The following CFAP74 variants were observed in gnomAD, a reference collection of about 807,000 sequenced individuals.
CFAP74 encodes cilia- and flagella-associated protein 74.
In CFAP74, 124 loss-of-function variants were observed where a neutral mutation model predicts 188.9. That is an observed-to-expected ratio of 0.66 (90% CI 0.57 to 0.76). The LOEUF is 0.76. Ranked by LOEUF, CFAP74 falls within the 30% of genes least tolerant of loss-of-function variation. CFAP74 has a pLI of 0.00. For missense variants in CFAP74, 2,198 were observed against 2,165.2 expected, an observed-to-expected ratio of 1.02 and a Z score of -0.30; for synonymous variants, 956 against 916.7, an observed-to-expected ratio of 1.04 and a Z score of -0.77.
At chr1:1,958,860 G>A (rs1328887166) in intron 16 of CFAP74, among the ~76,000 whole-genome samples, 1 of 152,138 alleles carries the variant, frequency 6.6e-6, no homozygotes, top group East Asian at 1.9e-4. Context: ...AGGCCCTGCA[G>A]TCTGGGCTCC....
intron 8 of CFAP74, among the ~76,000 whole-genome samples, 175 bp from the exon 9 acceptor site, chr1:1,972,257 C>T (rs1284095376): frequency 1.3e-5 from 2 of 152,196 alleles, no homozygotes; most frequent in East Asian, 1.9e-4. Context: ...CATTTTTAAC[C>T]GAGGAAGTGA....
rs558676249 is a variant in CFAP74 at position 1,965,135 on chromosome 1, G to A, written c.1402-74C>T. 748 of 1,441,816 alleles carry A rather than the reference G, an allele frequency of 5.2e-4. 4 individuals are homozygous for A. In the African/African-American group the frequency reaches 8.2e-3, roughly 16 times the overall value. 89.3% of individuals were successfully genotyped at this position (1,441,816 alleles called of 1,614,324 possible). ...GCGGCGCCGGTGGCAGCTCGGAGGC[G>A]AGGGTAGCGGTTAGCAGAGCACGGA... On this transcript the variant is annotated intron_variant, in intron 12 of 38. Transcript: ENST00000682832.
chr1:1,983,003 G>A (rs746504099), intron 6 of CFAP74, among the ~76,000 whole-genome samples: 12 of 152,236 alleles, frequency 7.9e-5, no homozygotes, highest in Non-Finnish European at 1.6e-4. Flanking sequence ...CCCACAGAGC[G>A]GCAGACACGA....
chr1:1,963,716 C>A, intron 14 of CFAP74, 33 bp downstream of exon 14: 3 of 1,412,712 alleles, frequency 2.1e-6, no homozygotes, highest in Non-Finnish European at 3.0e-6. Context: ...TGTCCCTGCA[C>A]CGCGTCCCTC....
chr1:1,959,403 G>A (rs1158786029), intron 15 of CFAP74, among the ~76,000 whole-genome samples, 194 bp from the exon 16 acceptor site: 2 of 151,198 alleles, frequency 1.3e-5, no homozygotes, highest in African/African-American at 4.9e-5. Context: ...CCACTAGCTG[G>A]GATTACAGGC....
chr1:1,998,217 G>A (rs1263214894), intron 1 of CFAP74, among the ~76,000 whole-genome samples: 1 of 152,180 alleles, frequency 6.6e-6, no homozygotes, highest in African/African-American at 2.4e-5. Flanking sequence ...GGCAGAGGTT[G>A]CAGTGAGCCA....
chr1:1,959,256 G>A, intron 15 of CFAP74, 47 bp from the exon 16 acceptor site: 2 of 1,335,666 alleles, frequency 1.5e-6, no homozygotes, highest in South Asian at 1.2e-5. Context: ...TGCAACTTTT[G>A]TGTGTTTTGT....
At chr1:1,972,496 C>G (rs948911852) in intron 8 of CFAP74, among the ~76,000 whole-genome samples, 3 of 152,350 alleles carry the variant, frequency 2.0e-5, no homozygotes, top group African/African-American at 7.2e-5. Flanking sequence ...GAAACAGTAC[C>G]TCAGCACTAA....
At position 2,000,076 on chromosome 1, in the gene CFAP74, G is replaced by A. The variant is rs530994174; in HGVS notation, c.-20+3625C>T. Among the ~76,000 whole-genome samples the A allele has an allele frequency of 2.6e-5, 4 of 151,308 alleles. No homozygotes were observed. In the South Asian group the frequency reaches 8.4e-4, roughly 32 times the overall value. ...CTCCTCAGGAGGTTGAAGCAGGAGA[G>A]TTGCTTGAACTGGTGAGGTGGAGGT... On this transcript the variant is annotated intron_variant, in intron 1 of 38. Transcript: ENST00000682832.
intron 16 of CFAP74, among the ~76,000 whole-genome samples, chr1:1,958,298 G>A (rs1362747227): frequency 6.6e-6 from 1 of 152,212 alleles, no homozygotes; most frequent in Non-Finnish European, 1.5e-5. Context: ...TGTAAGAATG[G>A]GCCTCTTCCT....
Position 1,935,218 on chromosome 1 carries a change from A to G in CFAP74, c.3011+3637T>C, listed in dbSNP as rs1400328869. On this transcript the variant is annotated intron_variant, in intron 25 of 38. Transcript: ENST00000682832. ...GTACACACGTGTACGTGGGTGTTGT[A>G]GGTACACACGTGTGTACGTGGGTGT... Among the ~76,000 whole-genome samples the G allele has an allele frequency of 5.5e-5, 4 of 72,574 alleles. 1 individual carries two copies. The highest frequency in any genetic ancestry group is 3.3e-4 in the Admixed American group (2 of 6,008). 47.6% of individuals were successfully genotyped at this position (72,574 alleles called of 152,430 possible).
Position 1,990,911 on chromosome 1 carries a change from C to G in CFAP74, c.46G>C (p.Asp16His), listed in dbSNP as rs370745476. The G allele has an allele frequency of 8.1e-5, 130 of 1,612,416 alleles. No homozygotes were observed. Among genetic ancestry groups the G allele is most frequent in the Non-Finnish European group, 1.1e-4 (129 of 1,179,608 alleles). Residue 16 changes from aspartate (D) to histidine (H), a missense_variant, in exon 2 of 39, where the codon GAT becomes CAT. Asp to His is a moderately conservative substitution (Grantham distance 81). Transcript: ENST00000682832. The stretch of plus-strand genomic sequence containing the variant: ...TTACCATCTTCCAAAAGAAGGGCAT[C>G]GGCCAAAAGCTCGTCCTCAGGGAGC... ...SLLPEDELLA[D>H]ALLLEDERDE...
At position 1,983,170 on chromosome 1, in the gene CFAP74, A is replaced by T. The variant is rs80135494; in HGVS notation, c.500+2216T>A. 4.7e-3 allele frequency among the ~76,000 whole-genome samples: 710 copies of T among 152,264 alleles called. 21 individuals are homozygous for T. The East Asian group carries it at 0.085, about 18-fold the overall frequency. On this transcript the variant is annotated intron_variant, in intron 6 of 38. Transcript: ENST00000682832. ...AACGCTCCCCTAACGGTGGAAAGCC[A>T]ACTAATAGGAAGGGATGGTGCAACT...
chr1:1,958,168 T>C (rs1168912023), intron 16 of CFAP74, among the ~76,000 whole-genome samples: 1 of 152,184 alleles, frequency 6.6e-6, no homozygotes, highest in Non-Finnish European at 1.5e-5. Flanking sequence ...TCATCAAAGG[T>C]GGCTTGGGGC....
Position 1,940,384 on chromosome 1 carries a change from C to A in CFAP74, c.2635G>T (p.Ala879Ser), listed in dbSNP as rs1216864666. ...GTCTCCTTGTCAAAATACCTCCCTG[C>A]GTCCTCCGGGAGGGAGTGTCTGAAA... is the stretch of plus-strand genomic sequence containing the variant. ...FLPRHSLPED[A>S]GRYFDKETRV... Residue 879 changes from alanine to serine, a missense_variant, in exon 23 of 39, where the codon GCA (alanine) becomes TCA (serine). By Grantham distance (99) the Ala-to-Ser change is moderately conservative (BLOSUM62 1). Coordinates refer to ENST00000682832, the MANE Select transcript of CFAP74 (RefSeq NM_001304360.2). The A allele has an allele frequency of 2.6e-6, 4 of 1,533,246 alleles. No individual in the cohort carries two copies. Among genetic ancestry groups the A allele is most frequent in the Non-Finnish European group, 2.6e-6 (3 of 1,145,438 alleles). 95.0% of individuals were successfully genotyped at this position (1,533,246 alleles called of 1,614,324 possible). A position where few individuals can be genotyped will look rare whatever the true frequency, so the allele number is the denominator to read the frequency against.
Position 1,922,355 on chromosome 1 carries a change from G to A in CFAP74, c.4852C>T (p.Gln1618Ter), listed in dbSNP as rs759570360. Residue 1618 changes from glutamine to a stop codon, truncating the protein, a stop_gained, in exon 39 of 39, where the codon CAG becomes TAG. Transcript: ENST00000682832. LOFTEE classifies it high-confidence loss of function. ...GTCTCCTTCACATCCCCCCTTAGCT[G>A]CAGCAGGGCCGACACCATGAGTGGG... ...DHPLMVSALLQLRGDVKETYK... is the reference protein window; with the variant it reads ...DHPLMVSALL 6.2e-7 allele frequency: 1 copy of A among 1,601,060 alleles called. No individual in the cohort carries two copies.
chr1:1,986,567 G>T (rs990939483), intron 5 of CFAP74, among the ~76,000 whole-genome samples: 2 of 152,220 alleles, frequency 1.3e-5, no homozygotes, highest in Non-Finnish European at 2.9e-5. Context: ...AATGCCTGTT[G>T]GTGAGTGTTG....
At chr1:1,966,237 G>T (rs184360062) in intron 12 of CFAP74, 134 bp downstream of exon 12, 702 of 783,556 alleles carry the variant, frequency 9.0e-4, no homozygotes, top group Non-Finnish European at 1.2e-3. Context: ...AGGAGAGGGT[G>T]GCGGGAGATG....
At position 1,989,040 on chromosome 1, in the gene CFAP74, G is replaced by A. The variant is rs1657422318; in HGVS notation, c.68-67C>T. 4 of 846,816 alleles carry A rather than the reference G, an allele frequency of 4.7e-6. No individual in the cohort carries two copies. The South Asian group carries it at 5.8e-5, about 12-fold the overall frequency. 52.5% of individuals were successfully genotyped at this position (846,816 alleles called of 1,614,324 possible). ...TCAAACATTTGCATCTGAAGTTTTA[G>A]GATAAATCTTTTTCTTTTTTTGGGA... On this transcript the variant is annotated intron_variant, in intron 2 of 38. Transcript: ENST00000682832.
Sources: gnomAD v4.1 joint callset for allele counts (sites outside exome capture counted in the v4.1 genomes callset) on GRCh38, gnomAD v4.1.1 for gene constraint, MANE v1.5 for transcripts, NCBI Gene and HGNC (gene_info 2026-07-23, HGNC 2026-07-21) for gene names.